Variants in SLC26A7 observed in about 807,000 individuals in gnomAD.
The protein encoded by SLC26A7 is anion exchange transporter.
In SLC26A7, 59 loss-of-function variants were observed where a neutral mutation model predicts 82.5. That is an observed-to-expected ratio of 0.72 (90% confidence interval 0.58 to 0.89). SLC26A7 has a LOEUF of 0.89. SLC26A7 is among the 40% of genes least tolerant of loss of function. The pLI is 0.00. For synonymous variants in SLC26A7, 271 were observed against 274.3 expected (o/e 0.99, Z 0.12); for missense variants, 820 against 793.0 (o/e 1.03, Z -0.41).
intron 3 of SLC26A7, among the ~76,000 whole-genome samples, chr8:91,295,239 C>T (rs551344254): frequency 5.3e-5 from 8 of 152,260 alleles, no homozygotes; most frequent in Non-Finnish European, 1.0e-4. Context: ...ATTTCCTGTA[C>T]CAGGACATTC....
At chr8:91,392,841 G>A (rs1040559350) in intron 16 of SLC26A7, among the ~76,000 whole-genome samples, 1 of 152,156 alleles carries the variant, frequency 6.6e-6, no homozygotes, top group Non-Finnish European at 1.5e-5. Flanking sequence ...TTAAGAAAGA[G>A]TGAAACACTG....
chr8:91,370,192 T>A (rs1814316510), intron 15 of SLC26A7, among the ~76,000 whole-genome samples: 1 of 108,758 alleles, frequency 9.2e-6, no homozygotes, highest in African/African-American at 4.8e-5. Context: ...TTTTTTCTAT[T>A]TTCTCCTCCT....
At chr8:91,215,969 G>A (rs1307446328) in intron 1 of SLC26A7, among the ~76,000 whole-genome samples, 1 of 152,180 alleles carries the variant, frequency 6.6e-6, no homozygotes, top group Non-Finnish European at 1.5e-5. Flanking sequence ...AGAATTTCAT[G>A]TTATGCAAAC....
At chr8:91,343,229 T>C in intron 8 of SLC26A7, 124 bp from the exon 9 acceptor site, 2 of 620,134 alleles carry the variant, frequency 3.2e-6, no homozygotes, top group Non-Finnish European at 5.6e-6. Flanking sequence ...AATTGTTAAA[T>C]CCCAACTGGT....
chr8:91,324,543 C>T (rs1812883621), intron 5 of SLC26A7, among the ~76,000 whole-genome samples: 1 of 152,200 alleles, frequency 6.6e-6, no homozygotes, highest in South Asian at 2.1e-4. Flanking sequence ...GATAAACATG[C>T]ATCCTTGATT....
At chr8:91,390,930 G>A (rs1001726044) in intron 16 of SLC26A7, among the ~76,000 whole-genome samples, 5 of 152,090 alleles carry the variant, frequency 3.3e-5, no homozygotes, top group Admixed American at 6.6e-5. Flanking sequence ...GTATATTTTT[G>A]TCCAGTTGTG....
chr8:91,393,901 A>G (rs375747585), intron 17 of SLC26A7, 35 bp from the exon 18 acceptor site: 30 of 1,612,618 alleles, frequency 1.9e-5, no homozygotes, highest in Middle Eastern at 1.6e-4. Context: ...CTGCACTTCC[A>G]CATGTATTCT....
At chr8:91,223,694 G>A (rs1458403989) in intron 2 of SLC26A7, among the ~76,000 whole-genome samples, 1 of 152,064 alleles carries the variant, frequency 6.6e-6, no homozygotes, top group Non-Finnish European at 1.5e-5. Flanking sequence ...GGTTTTCTCT[G>A]TATTTGCTGA....
chr8:91,239,823 C>T (rs1282926601), intron 2 of SLC26A7, among the ~76,000 whole-genome samples: 1 of 152,104 alleles, frequency 6.6e-6, no homozygotes, highest in African/African-American at 2.4e-5. Flanking sequence ...TAAGATTGTC[C>T]ATCACAGGAG....
intron 4 of SLC26A7, among the ~76,000 whole-genome samples, chr8:91,300,644 G>A (rs1223227625): frequency 6.6e-6 from 1 of 152,082 alleles, no homozygotes; most frequent in Non-Finnish European, 1.5e-5. Flanking sequence ...TGATCCGCCC[G>A]CCTCGGCCTC....
chr8:91,315,441 C>A (rs1015263384), intron 4 of SLC26A7, among the ~76,000 whole-genome samples: 3 of 146,152 alleles, frequency 2.1e-5, no homozygotes, highest in Non-Finnish European at 3.0e-5. Flanking sequence ...CAACTGACCA[C>A]GAATCAAGAG....
intron 15 of SLC26A7, among the ~76,000 whole-genome samples, chr8:91,382,780 A>G (rs1032599627): frequency 3.9e-5 from 6 of 152,196 alleles, no homozygotes; most frequent in African/African-American, 1.4e-4. Flanking sequence ...ATTATCCTTC[A>G]TTGTCCAATG....
intron 9 of SLC26A7, among the ~76,000 whole-genome samples, chr8:91,345,110 T>C (rs1813526692): frequency 6.6e-6 from 1 of 151,890 alleles, no homozygotes; most frequent in Admixed American, 6.6e-5. Flanking sequence ...CCTTGCTATT[T>C]TTTTTTTTTC....
At position 91,395,834 on chromosome 8, in the gene SLC26A7, C is replaced by A. The variant is rs925488806; in HGVS notation, c.*737C>A. On this transcript the variant is annotated 3_prime_UTR_variant, in exon 19 of 19. Coordinates refer to ENST00000276609, the MANE Select transcript of SLC26A7 (RefSeq NM_052832.4). ...ATAGCTCTAATTTTAACATTTCTAC[C>A]CAATAAGAGGCTCTGTTTTCCACTG... is the stretch of plus-strand genomic sequence containing the variant. 6.6e-6 allele frequency: 1 copy of A among 151,890 alleles called. No homozygotes were observed. Among genetic ancestry groups the A allele is most frequent in the Non-Finnish European group, 1.5e-5 (1 of 67,884 alleles). The allele number at this position is 151,890 out of a possible 1,614,324, so 9.4% of individuals were successfully genotyped here.
chr8:91,315,069 C>G (rs1263021759), intron 4 of SLC26A7, among the ~76,000 whole-genome samples: 1 of 152,104 alleles, frequency 6.6e-6, no homozygotes, highest in African/African-American at 2.4e-5. Context: ...ATTTAACCCT[C>G]TCAGTAGGCA....
At chr8:91,239,093 G>A (rs576867819) in intron 2 of SLC26A7, among the ~76,000 whole-genome samples, 25 of 152,072 alleles carry the variant, frequency 1.6e-4, no homozygotes, top group African/African-American at 5.3e-4. Context: ...AGATGAGGCC[G>A]GGTGTGGTGG....
At chr8:91,378,999 A>G (rs899349826) in intron 15 of SLC26A7, among the ~76,000 whole-genome samples, 2 of 152,054 alleles carry the variant, frequency 1.3e-5, no homozygotes, top group Admixed American at 6.6e-5. Context: ...TATAAAATCA[A>G]TTGGTTTCAA....
intron 2 of SLC26A7, among the ~76,000 whole-genome samples, chr8:91,263,811 A>G (rs1811036388): frequency 6.6e-6 from 1 of 151,998 alleles, no homozygotes; most frequent in East Asian, 1.9e-4. Flanking sequence ...TGGGTTTTTC[A>G]TGTTAAACTC....
rs1049412398 is a variant in SLC26A7, at chr8:91,282,498, G to T, written c.194-6638G>T. Among the ~76,000 whole-genome samples the T allele has an allele frequency of 2.6e-5, 4 of 152,182 alleles. No individual in the cohort carries two copies. In the East Asian group the frequency reaches 7.7e-4, roughly 29 times the overall value. On this transcript the variant is annotated intron_variant, in intron 2 of 18. Transcript: ENST00000276609. ...TAGTTTTTGCTGAGCTTGAGGAGGT[G>T]CAAGCTCTTTCCTCTGTCATTAGGT...
Sources: allele counts gnomAD v4.1 joint callset (sites outside exome capture counted in the v4.1 genomes callset), GRCh38; gene constraint gnomAD v4.1.1; transcripts MANE v1.5; gene names NCBI Gene and HGNC (gene_info 2026-07-23, HGNC 2026-07-21).